The following BAG6 variants were observed in gnomAD, a reference collection of about 807,000 sequenced individuals.
The protein encoded by BAG6 is large proline-rich protein BAG6.
BAG6 carries 22 observed loss-of-function variants against 121.0 expected under a neutral mutation model. The ratio of observed to expected loss-of-function variants is 0.18; its 90% CI spans 0.13 to 0.26. The LOEUF is 0.26. Among genes scored for constraint, BAG6 ranks in the 10% least tolerant of loss-of-function variants. The pLI is 1.00. For missense variants in BAG6, 1,233 were observed against 1,537.7 expected (o/e 0.80, Z 3.31); for synonymous variants, 583 against 584.6 (o/e 1.00, Z 0.04).
At chr6:31,649,723 A>G in intron 2 of BAG6, 96 bp from the exon 3 acceptor site, 1 of 1,011,990 alleles carries the variant, frequency 9.9e-7, no homozygotes, top group Admixed American at 1.8e-5. Flanking sequence ...GGTAAAAACC[A>G]CCACAGAATC....
chr6:31,644,364 C>T lies in BAG6; in HGVS notation c.1498G>A (p.Val500Ile), dbSNP rs1229742396. ...PSLPPEFMHA[V>I]AHQITHQAMV... ...GCCTGATGAGTGATCTGGTGGGCGA[C>T]GGCGTGCATGAACTCAGGGGGCAGG... is the stretch of plus-strand genomic sequence containing the variant. Residue 500 changes from valine (V) to isoleucine (I), a missense_variant, in exon 12 of 26, where the codon GTC becomes ATC. Around this residue, in one of 7 missense-constraint regions of BAG6, gnomAD observed 777 missense variants for 861.4 expected, o/e 0.90. Coordinates refer to ENST00000676615, the MANE Select transcript of BAG6 (RefSeq NM_001387994.1). This position sits in a 1 kb window ranked among gnomAD's most constrained non-coding sequence, Gnocchi z 4.9. 11 of 1,551,418 alleles carry T rather than the reference C, an allele frequency of 7.1e-6. No individual in the cohort carries two copies. The highest frequency in any genetic ancestry group is 1.2e-5 in the South Asian group (1 of 83,846).
In BAG6 at chr6:31,645,104, G is replaced by A. The variant is rs2150846363; in HGVS notation, c.1211C>T (p.Ala404Val). The A allele has an allele frequency of 6.2e-7, 1 of 1,613,052 alleles. No individual in the cohort carries two copies. The highest frequency in any genetic ancestry group is 1.1e-5 in the South Asian group (1 of 91,088). Residue 404 changes from alanine (A) to valine (V), a missense_variant, in exon 10 of 26, where the codon GCC (alanine) becomes GTC (valine). Ala to Val is a moderately conservative substitution (Grantham distance 64). Around this residue, in one of 7 missense-constraint regions of BAG6, gnomAD observed 777 missense variants for 861.4 expected, o/e 0.90. Coordinates refer to ENST00000676615, the MANE Select transcript of BAG6 (RefSeq NM_001387994.1). The part of the protein sequence containing the change: ...AEAPPPGPGQ[A>V]SSVAPSSTNV... Reference sequence around the variant, plus strand: ...GGTAGAAGACGGAGCCACGGATGAGGCCTGCCCAGGACCAGGGGGAGGTGC... The same window carrying A: ...GGTAGAAGACGGAGCCACGGATGAGACCTGCCCAGGACCAGGGGGAGGTGC...
Position 31,645,194 on chromosome 6 carries a change from T to C in BAG6, c.1121A>G (p.Asn374Ser), listed in dbSNP as rs150788304. Residue 374 changes from asparagine (N) to serine (S), a missense_variant, in exon 10 of 26, where the codon AAT becomes AGT. Asn to Ser is a conservative substitution (Grantham distance 46). Transcript: ENST00000676615. ...TGTCATGGTCACAGTGGTTCCCACATTGATCTGAAAAAGACAGATGGACAG... is the reference window on the plus strand; with the variant it reads ...TGTCATGGTCACAGTGGTTCCCACACTGATCTGAAAAAGACAGATGGACAG... The part of the protein sequence containing the change: ...LQQAAIPIQI[N>S]VGTTVTMTGN... 4.4e-6 allele frequency: 7 copies of C among 1,608,888 alleles called. No homozygotes were observed. The highest frequency in any genetic ancestry group is 1.3e-5 in the African/African-American group (1 of 74,710).
At position 31,645,561 on chromosome 6, in the gene BAG6, C is replaced by A; in HGVS notation, c.962G>T (p.Gly321Val). 6.2e-7 allele frequency: 1 copy of A among 1,613,162 alleles called. No homozygotes were observed. The highest frequency in any genetic ancestry group is 8.5e-7 in the Non-Finnish European group (1 of 1,180,050). The change falls in exon 9 of 26, where the codon GGG (glycine) becomes GTG (valine). Residue 321 changes from glycine to valine, a missense_variant. Transcript: ENST00000676615. ...GTTGCCCAGCAGTCGCAGGCTCTCC[C>A]CTACCAAGTTGATCAACCGCTGATC... Reference protein sequence around the residue: ...EEDQRLINLVGESLRLLGNTF... With the variant: ...EEDQRLINLVVESLRLLGNTF...
At chr6:31,649,106 T>C in intron 4 of BAG6, 93 bp downstream of exon 4, 1 of 1,552,670 alleles carries the variant, frequency 6.4e-7, no homozygotes, top group Non-Finnish European at 8.8e-7. Flanking sequence ...CTGAACCCAA[T>C]CTAAAGATGG....
intron 2 of BAG6, among the ~76,000 whole-genome samples, chr6:31,650,853 T>G (rs1292255750): frequency 6.6e-6 from 1 of 151,972 alleles, no homozygotes; most frequent in Admixed American, 6.6e-5. Flanking sequence ...ATTACAGGAG[T>G]AAAGACACAG....
chr6:31,645,379 C>T, intron 9 of BAG6, 28 bp downstream of exon 9: 2 of 1,613,010 alleles, frequency 1.2e-6, no homozygotes, highest in Non-Finnish European at 1.7e-6. Context: ...CCCTCACTCT[C>T]CCTCAGGCCA....
chr6:31,650,859 C>G, intron 2 of BAG6, among the ~76,000 whole-genome samples: 1 of 152,114 alleles, frequency 6.6e-6, no homozygotes, highest in East Asian at 1.9e-4. Flanking sequence ...GGAGTAAAGA[C>G]ACAGATAGCT....
chr6:31,651,563 C>T, intron 2 of BAG6, 93 bp downstream of exon 2: 3 of 1,171,416 alleles, frequency 2.6e-6, no homozygotes, highest in Admixed American at 2.0e-5. Context: ...AAAAGAAAAT[C>T]TGGTGACCAG....
Position 31,646,432 on chromosome 6 carries a change from C to T in BAG6, c.880G>A (p.Val294Ile). 6.2e-7 allele frequency: 1 copy of T among 1,613,014 alleles called. No homozygotes were observed. The highest frequency in any genetic ancestry group is 2.2e-5 in the East Asian group (1 of 44,888). Residue 294 changes from valine (V) to isoleucine (I), a missense_variant, in exon 8 of 26, where the codon GTT becomes ATT. By Grantham distance (29) the Val-to-Ile change is conservative (BLOSUM62 3). This residue lies in a region of BAG6 where 777 missense variants were observed against 861.4 expected (regional missense o/e 0.90). Transcript: ENST00000676615. ...TCCGTGGTGGCAGCAGCACCCAGAA[C>T]CTCGTAGTAGCGCTGCAAGAAGGGC... ...LQPFLQRYYE[V>I]LGAAATTDYN...
Position 31,643,098 on chromosome 6 carries a change from T to G in BAG6, c.1774A>C (p.Met592Leu), listed in dbSNP as rs1784571665. 1 of 1,577,202 alleles carries G rather than the reference T, an allele frequency of 6.3e-7. No individual in the cohort carries two copies. The highest frequency in any genetic ancestry group is 8.6e-7 in the Non-Finnish European group (1 of 1,166,864). ...PVLVAQGTPG[M>L]APPPAPATAS... ...GTGGCAGGGGCTGGCGGTGGAGCCATACCTGGGGTCCCCTGAGCTGTAAGA... is the reference window on the plus strand; with the variant it reads ...GTGGCAGGGGCTGGCGGTGGAGCCAGACCTGGGGTCCCCTGAGCTGTAAGA... Residue 592 changes from methionine to leucine, a missense_variant, in exon 15 of 26, where the codon ATG becomes CTG. This residue lies in a region of BAG6 where 777 missense variants were observed against 861.4 expected (regional missense o/e 0.90). Coordinates refer to ENST00000676615, the MANE Select transcript of BAG6 (RefSeq NM_001387994.1).
chr6:31,652,106 A>G (rs1384072071), intron 1 of BAG6: 1 of 238,348 alleles, frequency 4.2e-6, no homozygotes, highest in Non-Finnish European at 8.5e-6. Flanking sequence ...AGCGCCCCAG[A>G]GGTCGGAAAA....
chr6:31,645,329 C>A, intron 9 of BAG6, 78 bp downstream of exon 9: 2 of 1,610,376 alleles, frequency 1.2e-6, no homozygotes, highest in South Asian at 1.1e-5. Context: ...TCCTAACCTC[C>A]TTCAGGCCCA....
chr6:31,648,980 G>A lies in BAG6; in HGVS notation c.424-16C>T, dbSNP rs1303595923. 6.6e-7 allele frequency: 1 copy of A among 1,524,906 alleles called. No homozygotes were observed. The highest frequency in any genetic ancestry group is 8.8e-7 in the Non-Finnish European group (1 of 1,140,308). 94.5% of individuals were successfully genotyped at this position (1,524,906 alleles called of 1,614,324 possible). ...AGCCGTCACTCTGGGGAAAGGGTAA[G>A]GGAAGTTGTTCTGGGAGAAGCCAAC... On this transcript the variant is annotated splice_polypyrimidine_tract_variant and intron_variant, in intron 4 of 25. Coordinates refer to ENST00000676615, the MANE Select transcript of BAG6 (RefSeq NM_001387994.1).
At position 31,645,886 on chromosome 6, in the gene BAG6, G is replaced by A. The variant is rs560225780; in HGVS notation, c.919-282C>T. 7.7e-4 allele frequency among the ~76,000 whole-genome samples: 117 copies of A among 152,350 alleles called. 1 individual carries two copies. The highest frequency in any genetic ancestry group is 2.8e-3 in the African/African-American group (115 of 41,586). On this transcript the variant is annotated intron_variant, in intron 8 of 25. Coordinates refer to ENST00000676615, the MANE Select transcript of BAG6 (RefSeq NM_001387994.1). ...TTCAGGGGCACAAGGGGTACGATACGAGGACAGTGCTTACAGCAAAGATTA... is the reference window on the plus strand; with the variant it reads ...TTCAGGGGCACAAGGGGTACGATACAAGGACAGTGCTTACAGCAAAGATTA...
At chr6:31,651,597 T>C in intron 2 of BAG6, 59 bp downstream of exon 2, 1 of 1,459,986 alleles carries the variant, frequency 6.8e-7, no homozygotes, top group Non-Finnish European at 9.6e-7. Flanking sequence ...TCTCTCAGGC[T>C]AAGGGGCCTA....
chr6:31,642,443 G>T, intron 15 of BAG6, 40 bp from the exon 16 acceptor site: 1 of 907,940 alleles, frequency 1.1e-6, no homozygotes, highest in Non-Finnish European at 1.7e-6. Context: ...AAAGTGAGGT[G>T]AGAATGAAGA....
At chr6:31,643,167 G>A in intron 14 of BAG6, 52 bp from the exon 15 acceptor site, 7 of 1,507,362 alleles carry the variant, frequency 4.6e-6, no homozygotes, top group Non-Finnish European at 5.3e-6. Context: ...GCTCTTGGCT[G>A]TAATCCTAGC....
At position 31,652,590 on chromosome 6, in the gene BAG6, G is replaced by C. The variant is rs79489519; in HGVS notation, c.-180C>G. On this transcript the variant is annotated 5_prime_UTR_variant, in exon 1 of 26. Transcript: ENST00000676615. ...GGCGAGTCGGGCCGGGGCCGGCCTA[G>C]GTGGGAGGGAGCCGAGCACCCCGAG... 1 of 152,390 alleles carries C rather than the reference G, an allele frequency of 6.6e-6. No individual in the cohort carries two copies. The highest frequency in any genetic ancestry group is 6.5e-5 in the Admixed American group (1 of 15,288). The allele number at this position is 152,390 out of a possible 1,614,324, so 9.4% of individuals were successfully genotyped here.
Sources: allele counts gnomAD v4.1 joint callset (sites outside exome capture counted in the v4.1 genomes callset), GRCh38; gene constraint gnomAD v4.1.1; regional missense constraint gnomAD v4.1.1; non-coding constraint Gnocchi (gnomAD v3.1); transcripts MANE v1.5; gene names NCBI Gene and HGNC (gene_info 2026-07-23, HGNC 2026-07-21).